The following MARCHF1 variants were observed in gnomAD, a reference collection of about 807,000 sequenced individuals.
MARCHF1 encodes membrane associated ring-CH-type finger 1.
Under a neutral mutation model 54.2 loss-of-function variants are expected in MARCHF1, and 40 were observed. The ratio of observed to expected loss-of-function variants is 0.74; its 90% CI spans 0.57 to 0.96. The LOEUF is 0.96. Among genes scored for constraint, MARCHF1 ranks in the 40% least tolerant of loss-of-function variants. MARCHF1 has a pLI of 0.00. For missense variants in MARCHF1, 586 were observed against 656.5 expected (o/e 0.89, Z 1.17); for synonymous variants, 236 against 236.3 (o/e 1.00, Z 0.01).
intron 1 of MARCHF1, among the ~76,000 whole-genome samples, chr4:164,314,057 C>T (rs529449858): frequency 3.7e-4 from 57 of 152,308 alleles, no homozygotes; most frequent in African/African-American, 1.3e-3. Flanking sequence ...TCCTTTGTTT[C>T]GAAGGTAGAG....
chr4:163,939,297 A>G (rs1406299962), intron 3 of MARCHF1, among the ~76,000 whole-genome samples: 2 of 152,192 alleles, frequency 1.3e-5, no homozygotes, highest in Non-Finnish European at 2.9e-5. Context: ...CTCATCTGTT[A>G]TTCTTCAGCC....
chr4:164,080,493 T>C (rs1755072360), intron 2 of MARCHF1, among the ~76,000 whole-genome samples: 1 of 152,184 alleles, frequency 6.6e-6, no homozygotes, highest in Middle Eastern at 3.4e-3. Context: ...AGGAAAAAAA[T>C]AGAGCATAGA....
chr4:163,954,934 T>C (rs1306358250), intron 3 of MARCHF1, among the ~76,000 whole-genome samples: 1 of 150,654 alleles, frequency 6.6e-6, no homozygotes, highest in Admixed American at 6.6e-5. Flanking sequence ...CTGTTTGAAA[T>C]TTTTAAATGT....
intron 3 of MARCHF1, among the ~76,000 whole-genome samples, chr4:163,863,549 A>T (rs1165942151): frequency 6.6e-6 from 1 of 152,200 alleles, no homozygotes; most frequent in African/African-American, 2.4e-5. Flanking sequence ...GGAGACATTA[A>T]TATGAACTCA....
intron 8 of MARCHF1, among the ~76,000 whole-genome samples, chr4:163,555,176 G>C (rs1345840990): frequency 2.0e-5 from 3 of 152,160 alleles, no homozygotes; most frequent in Non-Finnish European, 4.4e-5. Flanking sequence ...ATTTGCAGTG[G>C]AACTGTTGGG....
At chr4:163,924,161 T>C (rs1751490386) in intron 3 of MARCHF1, among the ~76,000 whole-genome samples, 1 of 152,100 alleles carries the variant, frequency 6.6e-6, no homozygotes, top group Non-Finnish European at 1.5e-5. Context: ...ATATTCATGC[T>C]GTTGACACAG....
At chr4:164,232,666 T>C (rs1270959509) in intron 1 of MARCHF1, among the ~76,000 whole-genome samples, 1 of 152,196 alleles carries the variant, frequency 6.6e-6, no homozygotes. Flanking sequence ...ATGTCATACA[T>C]TAAAACTCCA....
chr4:163,938,870 A>T (rs1050279710), intron 3 of MARCHF1, among the ~76,000 whole-genome samples: 1 of 152,140 alleles, frequency 6.6e-6, no homozygotes, highest in Non-Finnish European at 1.5e-5. Context: ...GAACTCACTC[A>T]GTATCATGAG....
At chr4:163,559,287 G>A (rs1739393090) in intron 8 of MARCHF1, among the ~76,000 whole-genome samples, 1 of 152,096 alleles carries the variant, frequency 6.6e-6, no homozygotes, top group South Asian at 2.1e-4. Context: ...CAAATGTATT[G>A]GAATGTAAAT....
intron 1 of MARCHF1, among the ~76,000 whole-genome samples, chr4:164,174,082 T>G (rs562525575): frequency 3.9e-4 from 60 of 152,312 alleles, no homozygotes; most frequent in Non-Finnish European, 7.6e-4. Flanking sequence ...AATACTTCCT[T>G]CTGAATTAAA....
chr4:163,903,237 TG>T (rs1553962204), intron 3 of MARCHF1, among the ~76,000 whole-genome samples: 2 of 1,264 alleles, frequency 1.6e-3, no homozygotes, highest in Non-Finnish European at 0.045. Context: ...TTCCTTCCCT[TG>T]TGTGTGTGTG....
chr4:164,177,016 G>C lies in MARCHF1; in HGVS notation c.-322-65354C>G, dbSNP rs1418217351. The stretch of plus-strand genomic sequence containing the variant: ...TATATATATATATATATATACAAAT[G>C]ATAGAATTAGGCATGTTTCCTATCC... On this transcript the variant is annotated intron_variant, in intron 1 of 9. Transcript: ENST00000514618. Among the ~76,000 whole-genome samples the C allele has an allele frequency of 3.5e-5, 3 of 86,178 alleles. No homozygotes were observed. In the South Asian group the frequency reaches 1.4e-3, roughly 41 times the overall value. The allele number at this position is 86,178 out of a possible 152,430, so 56.5% of individuals were successfully genotyped here.
intron 4 of MARCHF1, among the ~76,000 whole-genome samples, chr4:163,743,616 T>C (rs1451057919): frequency 6.8e-6 from 1 of 146,530 alleles, no homozygotes; most frequent in East Asian, 2.0e-4. Flanking sequence ...TCTTGCTCTG[T>C]CGCCCAGGCT....
rs1745893612 is a variant in MARCHF1 at position 163,733,115 on chromosome 4, G to GCACTCTA, written c.112-32259_112-32253dup. ...TGCAGTGAACCAAGATCACACCATT[G>GCACTCTA]CACTCTAGCCTGGGTGACAGAGCAA... On this transcript the variant is annotated intron_variant, in intron 4 of 9. Transcript: ENST00000514618. Among the ~76,000 whole-genome samples, 5 of 141,032 alleles carry GCACTCTA rather than the reference G, an allele frequency of 3.5e-5. No individual in the cohort carries two copies. The South Asian group carries it at 1.2e-3, about 33-fold the overall frequency. The allele number at this position is 141,032 out of a possible 152,430, so 92.5% of individuals were successfully genotyped here.
At chr4:164,236,919 A>T (rs1732578071) in intron 1 of MARCHF1, among the ~76,000 whole-genome samples, 2 of 152,134 alleles carry the variant, frequency 1.3e-5, no homozygotes, top group Admixed American at 6.6e-5. Flanking sequence ...GCCTTCTTCC[A>T]CTTCTCTGGT....
intron 7 of MARCHF1, among the ~76,000 whole-genome samples, chr4:163,601,112 A>G (rs1740950073): frequency 6.6e-6 from 1 of 152,206 alleles, no homozygotes; most frequent in African/African-American, 2.4e-5. Context: ...TTGCCTATTT[A>G]AATCCCAACT....
intron 7 of MARCHF1, among the ~76,000 whole-genome samples, chr4:163,603,531 G>A (rs1334710624): frequency 6.6e-6 from 1 of 152,088 alleles, no homozygotes; most frequent in African/African-American, 2.4e-5. Context: ...CATACAGGAT[G>A]TCCAGCCTAG....
At chr4:164,013,414 C>T (rs1753467982) in intron 2 of MARCHF1, among the ~76,000 whole-genome samples, 1 of 151,768 alleles carries the variant, frequency 6.6e-6, no homozygotes, top group Admixed American at 6.6e-5. Flanking sequence ...AGAAAATAGC[C>T]TCAAAAGGAC....
chr4:163,986,175 T>G (rs551691147), intron 3 of MARCHF1, among the ~76,000 whole-genome samples: 9 of 151,442 alleles, frequency 5.9e-5, no homozygotes, highest in Non-Finnish European at 1.2e-4. Context: ...TTTCTGATAT[T>G]CAGAACTGTA....
Sources: gnomAD v4.1 joint callset for allele counts (sites outside exome capture counted in the v4.1 genomes callset) on GRCh38, gnomAD v4.1.1 for gene constraint, MANE v1.5 for transcripts, NCBI Gene and HGNC (gene_info 2026-07-23, HGNC 2026-07-21) for gene names.